The following EGFLAM variants were observed in gnomAD, a reference collection of about 807,000 sequenced individuals.
EGFLAM encodes the protein pikachurin.
A neutral mutation model predicts 113.1 loss-of-function variants in EGFLAM; 79 were observed. The ratio of observed to expected loss-of-function variants is 0.70; its 90% CI spans 0.58 to 0.84. EGFLAM has a LOEUF of 0.84. Ranked by LOEUF, EGFLAM falls within the 40% of genes least tolerant of loss-of-function variation. The pLI is 0.00. For missense variants in EGFLAM, 1,265 were observed against 1,291.6 expected, an observed-to-expected ratio of 0.98 and a Z score of 0.32; for synonymous variants, 504 against 487.6, an observed-to-expected ratio of 1.03 and a Z score of -0.44.
At chr5:38,425,772 T>C (rs1034789754) in intron 13 of EGFLAM, among the ~76,000 whole-genome samples, 2 of 152,218 alleles carry the variant, frequency 1.3e-5, no homozygotes, top group Admixed American at 1.3e-4. Flanking sequence ...TCAGACTGAA[T>C]TCAAAGCCTT....
intron 1 of EGFLAM, among the ~76,000 whole-genome samples, chr5:38,296,192 G>T (rs1295972554): frequency 6.6e-6 from 1 of 152,178 alleles, no homozygotes; most frequent in African/African-American, 2.4e-5. Context: ...AAGAAGAGTT[G>T]TCTCCATCTT....
chr5:38,410,525 TAA>T (rs1445280035), intron 10 of EGFLAM, among the ~76,000 whole-genome samples: 1 of 152,186 alleles, frequency 6.6e-6, no homozygotes, highest in African/African-American at 2.4e-5. Flanking sequence ...TGGCTGCAGT[TAA>T]TGCAAATCCT....
chr5:38,296,593 A>G (rs1053685481), intron 1 of EGFLAM, among the ~76,000 whole-genome samples: 4 of 152,168 alleles, frequency 2.6e-5, no homozygotes, highest in Non-Finnish European at 5.9e-5. Flanking sequence ...CCAGTGGATG[A>G]CAACATTAGT....
intron 6 of EGFLAM, among the ~76,000 whole-genome samples, chr5:38,372,401 C>T (rs528069138): frequency 6.2e-4 from 95 of 152,238 alleles, no homozygotes; most frequent in African/African-American, 2.3e-3. Flanking sequence ...CCTTGTGATC[C>T]ACCCTCCTTG....
chr5:38,396,878 T>C (rs1012305253), intron 6 of EGFLAM, among the ~76,000 whole-genome samples: 14 of 152,198 alleles, frequency 9.2e-5, no homozygotes, highest in Non-Finnish European at 1.9e-4. Flanking sequence ...GCATAACACC[T>C]TGGTCTCTGG....
intron 3 of EGFLAM, among the ~76,000 whole-genome samples, chr5:38,347,076 G>T (rs1219297027): frequency 6.6e-6 from 1 of 152,136 alleles, no homozygotes; most frequent in African/African-American, 2.4e-5. Flanking sequence ...AGGCATGGTG[G>T]GGTGGCTGGA....
chr5:38,445,829 C>T (rs554818940), intron 17 of EGFLAM: 167 of 1,027,824 alleles, frequency 1.6e-4, no homozygotes, highest in Non-Finnish European at 2.1e-4. Flanking sequence ...TGGGAAGCCT[C>T]CCCGCCGGCC....
chr5:38,431,055 C>A, intron 14 of EGFLAM, 122 bp from the exon 15 acceptor site: 1 of 805,958 alleles, frequency 1.2e-6, no homozygotes, highest in Non-Finnish European at 2.0e-6. Flanking sequence ...GATTCAGATG[C>A]TCATCTCTAC....
intron 19 of EGFLAM, among the ~76,000 whole-genome samples, chr5:38,453,072 TCA>T (rs1742973975): frequency 6.6e-6 from 1 of 152,140 alleles, no homozygotes. Context: ...AGCCCCAGCA[TCA>T]CCTGGGAACT....
At chr5:38,334,209 C>T (rs1474159861) in intron 1 of EGFLAM, among the ~76,000 whole-genome samples, 1 of 152,182 alleles carries the variant, frequency 6.6e-6, no homozygotes, top group Non-Finnish European at 1.5e-5. Flanking sequence ...CAGGCGTGAG[C>T]CACCATGCCC....
chr5:38,260,925 C>G (rs1391906120), intron 1 of EGFLAM, among the ~76,000 whole-genome samples: 2 of 152,168 alleles, frequency 1.3e-5, no homozygotes, highest in Non-Finnish European at 2.9e-5. Context: ...ACTAGCAAAT[C>G]CTGCTAGTAT....
intron 10 of EGFLAM, 116 bp downstream of exon 10, chr5:38,409,220 G>A (rs958176857): frequency 3.7e-6 from 3 of 820,976 alleles, no homozygotes; most frequent in Non-Finnish European, 5.7e-6. Context: ...TGAAAGAATG[G>A]TTTGTATAAA....
chr5:38,337,740 T>A (rs1373549803), intron 2 of EGFLAM, 111 bp downstream of exon 2: 2 of 860,338 alleles, frequency 2.3e-6, no homozygotes, highest in East Asian at 2.7e-5. Context: ...AACTGCCCCA[T>A]TCTCCCTCCA....
intron 5 of EGFLAM, among the ~76,000 whole-genome samples, chr5:38,352,641 C>T (rs1170273416): frequency 5.6e-5 from 8 of 143,338 alleles, no homozygotes; most frequent in African/African-American, 7.8e-5. Context: ...AGCAAGACTC[C>T]ATCCCAAAAA....
At position 38,370,328 on chromosome 5, in the gene EGFLAM, A is replaced by T; in HGVS notation, c.578A>T (p.His193Leu). 1 of 1,614,178 alleles carries T rather than the reference A, an allele frequency of 6.2e-7. No individual in the cohort carries two copies. The highest frequency in any genetic ancestry group is 2.2e-5 in the East Asian group (1 of 44,878). Residue 193 changes from histidine to leucine, a missense_variant, in exon 6 of 22, where the codon CAT becomes CTT. Physicochemically the swap from His to Leu is moderately conservative, Grantham distance 99 (BLOSUM62 -3). Coordinates refer to ENST00000322350, the MANE Select transcript of EGFLAM (RefSeq NM_152403.4). ...TTCGACAAGAAGTGGACCTCAATCCATGAGCGGATCCAGATGGACTCCATG... is the reference window on the plus strand; with the variant it reads ...TTCGACAAGAAGTGGACCTCAATCCTTGAGCGGATCCAGATGGACTCCATG... ...PDFDKKWTSI[H>L]ERIQMDSMVI...
chr5:38,298,875 A>G (rs1429977288), intron 1 of EGFLAM, among the ~76,000 whole-genome samples: 2 of 151,908 alleles, frequency 1.3e-5, no homozygotes, highest in African/African-American at 4.8e-5. Context: ...TAATTTTTGT[A>G]TTCTTTATAG....
intron 20 of EGFLAM, among the ~76,000 whole-genome samples, chr5:38,459,901 G>A (rs2112290578): frequency 6.6e-6 from 1 of 152,328 alleles, no homozygotes. Context: ...GACAGAGGTT[G>A]ATTTTGATGA....
chr5:38,423,709 G>A (rs535520342), intron 12 of EGFLAM, among the ~76,000 whole-genome samples: 26 of 152,268 alleles, frequency 1.7e-4, no homozygotes, highest in African/African-American at 6.3e-4. Flanking sequence ...GGTCATGTCT[G>A]CCTGAACATT....
intron 1 of EGFLAM, among the ~76,000 whole-genome samples, chr5:38,326,643 C>A (rs1273313351): frequency 6.6e-6 from 1 of 151,816 alleles, no homozygotes; most frequent in Non-Finnish European, 1.5e-5. Flanking sequence ...CAGGCACCTG[C>A]CACCACGCCT....
Sources: allele counts gnomAD v4.1 joint callset (sites outside exome capture counted in the v4.1 genomes callset), GRCh38; gene constraint gnomAD v4.1.1; transcripts MANE v1.5; gene names NCBI Gene and HGNC (gene_info 2026-07-23, HGNC 2026-07-21).